Variants in YIPF7 observed in about 807,000 individuals in gnomAD.
YIPF7 encodes Yip1 domain family member 7, also known as protein YIPF7.
Under a neutral mutation model 27.2 loss-of-function variants are expected in YIPF7, and 35 were observed. The ratio of observed to expected loss-of-function variants is 1.29; its 90% confidence interval spans 0.98 to 1.70. YIPF7 has a LOEUF of 1.70. Among genes scored for constraint, YIPF7 ranks in the 40% most tolerant of loss-of-function variants. The pLI, the probability that YIPF7 is intolerant of heterozygous loss-of-function variation, is 0.00. For missense variants in YIPF7, 358 were observed against 303.7 expected (o/e 1.18, Z -1.33); for synonymous variants, 137 against 110.4 (o/e 1.24, Z -1.51).
rs1234025454 is a variant in YIPF7 at position 44,650,108 on chromosome 4, A to C, written c.-1-7T>G. On this transcript the variant is annotated splice_region_variant and splice_polypyrimidine_tract_variant and intron_variant, in intron 1 of 5. Coordinates refer to ENST00000415895, the MANE Select transcript of YIPF7 (RefSeq NM_182592.3). Reference sequence around the variant, plus strand: ...TTGTGCCAAGTTTGACATCCTGAAAAATAAGAGTATGTTTTTAATAAGTTC... The same window carrying C: ...TTGTGCCAAGTTTGACATCCTGAAACATAAGAGTATGTTTTTAATAAGTTC... 1 of 1,480,624 alleles carries C rather than the reference A, an allele frequency of 6.8e-7. No homozygotes were observed. Among genetic ancestry groups the C allele is most frequent in the Non-Finnish European group, 9.3e-7 (1 of 1,079,900 alleles). The allele number at this position is 1,480,624 out of a possible 1,614,324, so 91.7% of individuals were successfully genotyped here.
intron 2 of YIPF7, among the ~76,000 whole-genome samples, chr4:44,648,369 G>T (rs1713599653): frequency 6.6e-6 from 1 of 152,066 alleles, no homozygotes; most frequent in Non-Finnish European, 1.5e-5. Context: ...AAAAGTTTTG[G>T]ATTTGGGGAC....
chr4:44,633,559 G>A (rs1195417758), intron 3 of YIPF7, among the ~76,000 whole-genome samples: 1 of 151,974 alleles, frequency 6.6e-6, no homozygotes, highest in Non-Finnish European at 1.5e-5. Context: ...CATCTATAAG[G>A]AGATAGAGGC....
At chr4:44,636,862 C>T (rs911226855) in intron 2 of YIPF7, among the ~76,000 whole-genome samples, 4 of 152,116 alleles carry the variant, frequency 2.6e-5, no homozygotes, top group African/African-American at 9.7e-5. Context: ...ACCCAAATAA[C>T]ATTCATTATA....
chr4:44,643,050 T>C (rs1346995367), intron 2 of YIPF7, among the ~76,000 whole-genome samples: 3 of 151,284 alleles, frequency 2.0e-5, no homozygotes, highest in African/African-American at 7.3e-5. Flanking sequence ...GTCAGAAGAG[T>C]GTGGAGGGCT....
chr4:44,638,430 T>A (rs1013545440), intron 2 of YIPF7, among the ~76,000 whole-genome samples: 4 of 151,466 alleles, frequency 2.6e-5, no homozygotes, highest in Admixed American at 6.6e-5. Context: ...AAAGAAGATA[T>A]ACAAATGACC....
intron 3 of YIPF7, among the ~76,000 whole-genome samples, chr4:44,633,048 G>A (rs532458689): frequency 5.3e-5 from 8 of 152,264 alleles, no homozygotes; most frequent in East Asian, 3.9e-4. Flanking sequence ...TCATAGGAGC[G>A]TGAACCCTAT....
At chr4:44,631,256 G>A (rs1448170692) in intron 3 of YIPF7, among the ~76,000 whole-genome samples, 1 of 152,098 alleles carries the variant, frequency 6.6e-6, no homozygotes, top group Non-Finnish European at 1.5e-5. Flanking sequence ...GTTGTATTTT[G>A]TTTTTAAATG....
At chr4:44,625,345 A>G (rs1409095497) in intron 4 of YIPF7, among the ~76,000 whole-genome samples, 2 of 152,206 alleles carry the variant, frequency 1.3e-5, no homozygotes, top group African/African-American at 4.8e-5. Flanking sequence ...ACCTTGCCCA[A>G]GGTAATATAA....
chr4:44,640,147 TTTG>T (rs1318466188), intron 2 of YIPF7, among the ~76,000 whole-genome samples: 1 of 152,190 alleles, frequency 6.6e-6, no homozygotes, highest in South Asian at 2.1e-4. Flanking sequence ...TGGTCTAGTT[TTTG>T]TTGTTGTTGT....
intron 2 of YIPF7, among the ~76,000 whole-genome samples, chr4:44,659,786 T>G (rs1406167694): frequency 1.3e-5 from 2 of 152,022 alleles, no homozygotes; most frequent in Non-Finnish European, 2.9e-5. Flanking sequence ...TTAAAATAAT[T>G]TATCCTAAAG....
At chr4:44,640,901 T>C (rs987230190) in intron 2 of YIPF7, among the ~76,000 whole-genome samples, 1 of 151,966 alleles carries the variant, frequency 6.6e-6, no homozygotes, top group Non-Finnish European at 1.5e-5. Flanking sequence ...TCACACAGTC[T>C]GTTAAGGGCT....
chr4:44,661,908 G>C (rs1714049632), intron 1 of YIPF7, among the ~76,000 whole-genome samples: 1 of 152,214 alleles, frequency 6.6e-6, no homozygotes. Context: ...CTAGCCAGCA[G>C]ATAGAGTTCT....
At chr4:44,640,387 AG>A (rs1288688246) in intron 2 of YIPF7, among the ~76,000 whole-genome samples, 9 of 152,212 alleles carry the variant, frequency 5.9e-5, no homozygotes, top group African/African-American at 2.2e-4. Context: ...TGAGGGCCAA[AG>A]CCAGATGGAG....
intron 4 of YIPF7, among the ~76,000 whole-genome samples, chr4:44,625,759 TA>T (rs1160240235): frequency 6.6e-6 from 1 of 152,224 alleles, no homozygotes; most frequent in Non-Finnish European, 1.5e-5. Flanking sequence ...TACTATTACT[TA>T]CAGCGTACCA....
chr4:44,629,449 G>A lies in YIPF7; in HGVS notation c.380C>T (p.Thr127Ile). Reference sequence around the variant, plus strand: ...GGCTACGCAAAAAAGAATGGGTCCAGTGAGGTCCGTTTCATTCATAATGCT... The same window carrying A: ...GGCTACGCAAAAAAGAATGGGTCCAATGAGGTCCGTTTCATTCATAATGCT... ...DGSIMNETDL[T>I]GPILFCVALG... The change falls in exon 4 of 6, where the codon ACT becomes ATT. Residue 127 changes from threonine (T) to isoleucine (I), a missense_variant. Coordinates refer to ENST00000415895, the MANE Select transcript of YIPF7 (RefSeq NM_182592.3). 6.2e-7 allele frequency: 1 copy of A among 1,602,542 alleles called. No homozygotes were observed. Among genetic ancestry groups the A allele is most frequent in the Non-Finnish European group, 8.5e-7 (1 of 1,174,300 alleles).
At chr4:44,657,790 T>A (rs1202636575) in intron 2 of YIPF7, among the ~76,000 whole-genome samples, 1 of 152,100 alleles carries the variant, frequency 6.6e-6, no homozygotes, top group African/African-American at 2.4e-5. Context: ...GCCAGAGAAA[T>A]AATCCTGCCA....
chr4:44,661,980 T>C (rs1714051194), intron 1 of YIPF7, among the ~76,000 whole-genome samples: 1 of 152,226 alleles, frequency 6.6e-6, no homozygotes, highest in Non-Finnish European at 1.5e-5. Context: ...TTCTCTTTAA[T>C]GCTCTTTCTT....
chr4:44,656,773 C>T (rs909414439), intron 2 of YIPF7, among the ~76,000 whole-genome samples: 1 of 150,474 alleles, frequency 6.6e-6, no homozygotes. Flanking sequence ...TACAAATGCT[C>T]TCTCTTGTAG....
At chr4:44,630,528 G>A (rs961540533) in intron 3 of YIPF7, among the ~76,000 whole-genome samples, 1 of 152,172 alleles carries the variant, frequency 6.6e-6, no homozygotes, top group African/African-American at 2.4e-5. Context: ...GTGAAGTTGA[G>A]TCTATGCATT....
Sources: gnomAD v4.1 joint callset for allele counts (sites outside exome capture counted in the v4.1 genomes callset) on GRCh38, gnomAD v4.1.1 for gene constraint, MANE v1.5 for transcripts, NCBI Gene and HGNC (gene_info 2026-07-23, HGNC 2026-07-21) for gene names.